The following PXDNL variants were observed in gnomAD, a reference collection of about 807,000 sequenced individuals.
The protein encoded by PXDNL is probable oxidoreductase PXDNL.
In PXDNL, 145 loss-of-function variants were observed where a neutral mutation model predicts 150.8. The ratio of observed to expected loss-of-function variants is 0.96; its 90% CI spans 0.84 to 1.10. The LOEUF (loss-of-function observed/expected upper bound fraction) is 1.10, where lower values mean the gene tolerates loss of function less well. Ranked by LOEUF, PXDNL falls within the 50% of genes least tolerant of loss-of-function variation. The probability of loss-of-function intolerance (pLI) is 0.00; values close to 1 mark genes in which losing one functional copy is unlikely to be tolerated. For missense variants in PXDNL, 2,087 were observed against 1,873.9 expected (o/e 1.11, Z -2.10); for synonymous variants, 757 against 725.7 (o/e 1.04, Z -0.69).
At chr8:51,417,686 C>T (rs1206971811) in intron 14 of PXDNL, among the ~76,000 whole-genome samples, 1 of 152,164 alleles carries the variant, frequency 6.6e-6, no homozygotes, top group Non-Finnish European at 1.5e-5. Flanking sequence ...TCTTATCATA[C>T]TCAGTCTTTC....
rs1439995104 is a variant in PXDNL at position 51,408,893 on chromosome 8, TGA to T, written c.2729_2730del (p.Leu910GlnfsTer110). On this transcript the variant is annotated frameshift_variant, in exon 17 of 23. Coordinates refer to ENST00000356297, the MANE Select transcript of PXDNL (RefSeq NM_144651.5). LOFTEE classifies it high-confidence loss of function. ...YGSSERESQALRDPSVPRGLL... is the reference protein window; with the variant it reads ...YGSSERESQAXRDPSVPRGLL... Reference sequence around the variant, plus strand: ...AGACCCCGAGGCACCGAAGGGTCTCTGAGAGCCTGGGATTCCCGCTCCGAGCT... The same window carrying T: ...AGACCCCGAGGCACCGAAGGGTCTCTGAGCCTGGGATTCCCGCTCCGAGCT... 6.2e-7 allele frequency: 1 copy of T among 1,607,060 alleles called. No homozygotes were observed. Among genetic ancestry groups the T allele is most frequent in the South Asian group, 1.1e-5 (1 of 90,174 alleles).
intron 4 of PXDNL, among the ~76,000 whole-genome samples, chr8:51,537,822 C>T (rs929261745): frequency 8.6e-5 from 13 of 151,602 alleles, no homozygotes; most frequent in Non-Finnish European, 1.6e-4. Flanking sequence ...TTTTTTCATG[C>T]GGTGCCCAAA....
At chr8:51,390,057 C>T (rs999128014) in intron 17 of PXDNL, among the ~76,000 whole-genome samples, 11 of 151,312 alleles carry the variant, frequency 7.3e-5, no homozygotes, top group Admixed American at 6.6e-4. Context: ...GAAGCCATGC[C>T]CCCCCCACCA....
chr8:51,326,040 G>T (rs1805473755), intron 21 of PXDNL, among the ~76,000 whole-genome samples: 1 of 152,148 alleles, frequency 6.6e-6, no homozygotes, highest in Non-Finnish European at 1.5e-5. Context: ...GGCTTCTTCA[G>T]TTTCAAGCCT....
Position 51,408,790 on chromosome 8 carries a change from G to A in PXDNL, c.2834C>T (p.Ala945Val). 1 of 1,573,388 alleles carries A rather than the reference G, an allele frequency of 6.4e-7. No homozygotes were observed. The highest frequency in any genetic ancestry group is 8.6e-7 in the Non-Finnish European group (1 of 1,160,410). ...ACAGGGGCTCTCCTGCTCCTGTCGC[G>A]CGCACTCGGTGGGTGGGCCTGTAGA... Reference protein sequence around the residue: ...PFSTGPPTECARQEQESPCFL... With the variant: ...PFSTGPPTECVRQEQESPCFL... The change falls in exon 17 of 23, where the codon GCG (alanine) becomes GTG (valine). Residue 945 changes from alanine to valine, a missense_variant. Coordinates refer to ENST00000356297, the MANE Select transcript of PXDNL (RefSeq NM_144651.5).
At chr8:51,658,344 G>GAAAAAAAAAAAA (rs34771782) in intron 1 of PXDNL, among the ~76,000 whole-genome samples, 13 of 94,226 alleles carry the variant, frequency 1.4e-4, no homozygotes, top group South Asian at 3.5e-4. Flanking sequence ...CCTGTCTCAA[G>GAAAAAAAAAAAA]AAAAAAAAAA....
chr8:51,680,939 C>T (rs550096797), intron 1 of PXDNL, among the ~76,000 whole-genome samples: 1 of 151,920 alleles, frequency 6.6e-6, no homozygotes, highest in African/African-American at 2.4e-5. Context: ...TAACTGAACC[C>T]TAGAAGACCA....
intron 17 of PXDNL, among the ~76,000 whole-genome samples, chr8:51,392,502 T>C (rs1027806433): frequency 1.4e-4 from 21 of 152,188 alleles, no homozygotes; most frequent in African/African-American, 4.1e-4. Flanking sequence ...TTTGAAGCAA[T>C]TGTGAATGGG....
rs145159452 is a variant in PXDNL at position 51,528,824 on chromosome 8, A to G, written c.380+28016T>C. On this transcript the variant is annotated intron_variant, in intron 4 of 22. Coordinates refer to ENST00000356297, the MANE Select transcript of PXDNL (RefSeq NM_144651.5). ...AAATTGGGTTTTTACAGCTTCCACA[A>G]CCGCAAGAAACTGAATTCTGCCCAC... 1.2e-4 allele frequency among the ~76,000 whole-genome samples: 18 copies of G among 152,294 alleles called. 1 individual carries two copies. The highest frequency in any genetic ancestry group is 4.3e-4 in the African/African-American group (18 of 41,574).
chr8:51,547,604 A>G (rs571032877), intron 4 of PXDNL, among the ~76,000 whole-genome samples: 4 of 152,152 alleles, frequency 2.6e-5, no homozygotes, highest in Admixed American at 6.5e-5. Context: ...TGGTTACCGA[A>G]GTCTGGCTCT....
At chr8:51,608,386 CAA>C (rs760838357) in intron 2 of PXDNL, among the ~76,000 whole-genome samples, 9,648 of 75,086 alleles carry the variant, frequency 0.13, 506 homozygotes, top group Admixed American at 0.15. Flanking sequence ...GAGACTCCGT[CAA>C]AAAAAAAAAA....
intron 1 of PXDNL, among the ~76,000 whole-genome samples, chr8:51,783,540 A>C (rs943057550): frequency 6.6e-6 from 1 of 152,202 alleles, no homozygotes; most frequent in Non-Finnish European, 1.5e-5. Context: ...GGAAGCCAAA[A>C]AGATAACACA....
At chr8:51,324,709 G>A (rs889962466) in intron 21 of PXDNL, among the ~76,000 whole-genome samples, 2 of 151,926 alleles carry the variant, frequency 1.3e-5, no homozygotes, top group East Asian at 1.9e-4. Context: ...TCCATATTCC[G>A]TTTTGAGCCC....
At chr8:51,784,477 G>A (rs541487104) in intron 1 of PXDNL, among the ~76,000 whole-genome samples, 3 of 152,282 alleles carry the variant, frequency 2.0e-5, no homozygotes, top group Admixed American at 6.5e-5. Context: ...ATCCTTGTAA[G>A]TAGCAGAGTA....
intron 8 of PXDNL, among the ~76,000 whole-genome samples, chr8:51,469,479 T>C (rs940141535): frequency 5.3e-5 from 8 of 152,070 alleles, no homozygotes; most frequent in Non-Finnish European, 1.2e-4. Flanking sequence ...CTTTGCATTG[T>C]AGTCTCGATG....
intron 9 of PXDNL, among the ~76,000 whole-genome samples, chr8:51,454,939 T>C (rs1391500803): frequency 6.9e-6 from 1 of 145,588 alleles, no homozygotes; most frequent in Non-Finnish European, 1.5e-5. Flanking sequence ...GAGAACATTC[T>C]GGCAAGAGGT....
chr8:51,744,228 GAGAA>G (rs745361010), intron 1 of PXDNL, among the ~76,000 whole-genome samples: 14 of 135,376 alleles, frequency 1.0e-4, no homozygotes, highest in African/African-American at 2.2e-4. Context: ...AAGGGAAGAA[GAGAA>G]AGAAAGAAAA....
intron 14 of PXDNL, among the ~76,000 whole-genome samples, chr8:51,422,272 C>T (rs1808974868): frequency 6.6e-6 from 1 of 152,048 alleles, no homozygotes; most frequent in African/African-American, 2.4e-5. Flanking sequence ...ATAAAGTGCA[C>T]AATAAATGTA....
intron 4 of PXDNL, among the ~76,000 whole-genome samples, chr8:51,514,132 C>T (rs1168617080): frequency 6.6e-6 from 1 of 152,188 alleles, no homozygotes; most frequent in African/African-American, 2.4e-5. Flanking sequence ...GCTTGAAATC[C>T]TGAGCATATT....
Sources: allele counts gnomAD v4.1 joint callset (sites outside exome capture counted in the v4.1 genomes callset), GRCh38; gene constraint gnomAD v4.1.1; transcripts MANE v1.5; gene names NCBI Gene and HGNC (gene_info 2026-07-23, HGNC 2026-07-21).